Variants in MBNL1 observed in about 807,000 individuals in gnomAD.
MBNL1 encodes the protein muscleblind-like protein 1.
A neutral mutation model predicts 42.2 loss-of-function variants in MBNL1; 8 were observed. The ratio of observed to expected loss-of-function variants is 0.19; its 90% CI spans 0.11 to 0.34. The LOEUF is 0.34. Ranked by LOEUF, MBNL1 falls within the 10% of genes least tolerant of loss-of-function variation. The pLI, the probability that MBNL1 is intolerant of heterozygous loss-of-function variation, is 1.00. For synonymous variants in MBNL1, 169 were observed against 173.9 expected (o/e 0.97, Z 0.22); for missense variants, 309 against 495.3 (o/e 0.62, Z 3.57).
chr3:152,401,609 T>C (rs1184336401), intron 2 of MBNL1, among the ~76,000 whole-genome samples: 4 of 152,174 alleles, frequency 2.6e-5, no homozygotes, highest in African/African-American at 9.7e-5. Flanking sequence ...TAAGGTCATG[T>C]AGCTAGCGGG....
intron 3 of MBNL1, among the ~76,000 whole-genome samples, chr3:152,418,351 A>G (rs1260580331): frequency 6.7e-6 from 1 of 149,052 alleles, no homozygotes; most frequent in African/African-American, 2.4e-5. Flanking sequence ...ACCACTGGCC[A>G]ACTCAGGGTC....
intron 2 of MBNL1, among the ~76,000 whole-genome samples, chr3:152,407,782 T>C (rs929612236): frequency 6.6e-6 from 1 of 152,162 alleles, no homozygotes; most frequent in African/African-American, 2.4e-5. Flanking sequence ...CCCTACACCA[T>C]GGAATACTAT....
chr3:152,406,614 G>A (rs2098435806), intron 2 of MBNL1, among the ~76,000 whole-genome samples: 1 of 152,084 alleles, frequency 6.6e-6, no homozygotes, highest in South Asian at 2.1e-4. Context: ...GATGATTAAT[G>A]GGAATTGTGC....
intron 2 of MBNL1, among the ~76,000 whole-genome samples, chr3:152,312,097 C>T (rs901844844): frequency 4.8e-4 from 69 of 144,996 alleles, no homozygotes; most frequent in Admixed American, 2.1e-4. Context: ...GAGGCTGAGG[C>T]GGGAGAATGG....
intron 2 of MBNL1, among the ~76,000 whole-genome samples, chr3:152,252,602 CA>C (rs2034816744): frequency 6.6e-6 from 1 of 152,024 alleles, no homozygotes; most frequent in South Asian, 2.1e-4. Flanking sequence ...CACATCTCTT[CA>C]ATCTACATTT....
chr3:152,425,047 A>G (rs1012286488), intron 3 of MBNL1, among the ~76,000 whole-genome samples: 1 of 152,234 alleles, frequency 6.6e-6, no homozygotes, highest in Non-Finnish European at 1.5e-5. Flanking sequence ...ACAAAAGCCA[A>G]AATTGACAAA....
intron 4 of MBNL1, among the ~76,000 whole-genome samples, chr3:152,434,028 T>C (rs1280803298): frequency 1.3e-5 from 2 of 152,206 alleles, no homozygotes; most frequent in African/African-American, 4.8e-5. Flanking sequence ...CTCTTTTCCC[T>C]GGTGAGGATG....
chr3:152,313,581 AACGGT>A (rs1430257156), intron 2 of MBNL1, among the ~76,000 whole-genome samples: 3 of 152,244 alleles, frequency 2.0e-5, no homozygotes, highest in African/African-American at 7.2e-5. Flanking sequence ...CATAGATACT[AACGGT>A]AGCCGTTTGT....
chr3:152,338,094 T>C, intron 2 of MBNL1: 3 of 966,078 alleles, frequency 3.1e-6, no homozygotes, highest in Non-Finnish European at 3.7e-6. Context: ...TGCTATAATA[T>C]GTATTCCTTA....
intron 2 of MBNL1, among the ~76,000 whole-genome samples, chr3:152,354,298 T>C (rs1431421069): frequency 1.3e-5 from 2 of 152,034 alleles, no homozygotes; most frequent in African/African-American, 4.8e-5. Context: ...CTAAAAATAA[T>C]AATAATAATA....
chr3:152,318,140 G>C (rs1158248042), intron 2 of MBNL1, among the ~76,000 whole-genome samples: 2 of 152,108 alleles, frequency 1.3e-5, no homozygotes, highest in Non-Finnish European at 2.9e-5. Context: ...TTTCCAGACT[G>C]TTTAATGGTA....
At chr3:152,356,974 G>T (rs556697336) in intron 2 of MBNL1, among the ~76,000 whole-genome samples, 1 of 152,044 alleles carries the variant, frequency 6.6e-6, no homozygotes, top group South Asian at 2.1e-4. Context: ...GGGTCCTGTG[G>T]TAGAGAGGCA....
At chr3:152,448,524 T>A (rs895800024) in intron 6 of MBNL1, among the ~76,000 whole-genome samples, 4 of 152,164 alleles carry the variant, frequency 2.6e-5, no homozygotes, top group African/African-American at 9.7e-5. Flanking sequence ...AGCTCATTAT[T>A]ATCTGGAATT....
chr3:152,321,944 A>G (rs2076695706), intron 2 of MBNL1, among the ~76,000 whole-genome samples: 1 of 152,096 alleles, frequency 6.6e-6, no homozygotes, highest in African/African-American at 2.4e-5. Flanking sequence ...TGGACATATC[A>G]GTAATCTCCT....
intron 1 of MBNL1, among the ~76,000 whole-genome samples, chr3:152,283,843 C>T (rs1000338544): frequency 1.3e-5 from 2 of 152,182 alleles, no homozygotes; most frequent in African/African-American, 4.8e-5. Flanking sequence ...GATTTCTACT[C>T]CTTTTTGTCT....
At chr3:152,258,041 T>C in intron 2 of MBNL1, among the ~76,000 whole-genome samples, 1 of 152,162 alleles carries the variant, frequency 6.6e-6, no homozygotes, top group South Asian at 2.1e-4. Context: ...TCCTTTTTAA[T>C]TACATCCTAC....
Position 152,299,893 on chromosome 3 carries a change from C to G in MBNL1, c.-301C>G, listed in dbSNP as rs1402343034. 1 of 419,142 alleles carries G rather than the reference C, an allele frequency of 2.4e-6. No homozygotes were observed. Among genetic ancestry groups the G allele is most frequent in the East Asian group, 3.5e-5 (1 of 28,560 alleles). The allele number at this position is 419,142 out of a possible 1,614,324, so 26.0% of individuals were successfully genotyped here. A position where few individuals can be genotyped will look rare whatever the true frequency, so the allele number is the denominator to read the frequency against. On this transcript the variant is annotated 5_prime_UTR_variant, in exon 2 of 10. Coordinates refer to ENST00000324210, the MANE Select transcript of MBNL1 (RefSeq NM_021038.5). Reference sequence around the variant, plus strand: ...GGCACTGGGAAGGGGTTACTGAGAGCACAAGGCTGATACCAGGCCCTACTT... The same window carrying G: ...GGCACTGGGAAGGGGTTACTGAGAGGACAAGGCTGATACCAGGCCCTACTT...
At chr3:152,281,647 C>T (rs181303117) in intron 1 of MBNL1, among the ~76,000 whole-genome samples, 9 of 152,206 alleles carry the variant, frequency 5.9e-5, no homozygotes, top group African/African-American at 1.9e-4. Flanking sequence ...TTTCTGATGT[C>T]GCTTCTGAGT....
intron 2 of MBNL1, chr3:152,339,775 C>T (rs1238945438): frequency 2.6e-5 from 4 of 152,142 alleles, no homozygotes; most frequent in African/African-American, 4.8e-5. Flanking sequence ...AAATATTGAT[C>T]TTTGACAGTG....
Sources: allele counts gnomAD v4.1 joint callset (sites outside exome capture counted in the v4.1 genomes callset), GRCh38; gene constraint gnomAD v4.1.1; transcripts MANE v1.5; gene names NCBI Gene and HGNC (gene_info 2026-07-23, HGNC 2026-07-21).